Variants in AUTS2 observed in about 807,000 individuals in gnomAD.
AUTS2 encodes the protein autism susceptibility gene 2 protein.
A neutral mutation model predicts 112.4 loss-of-function variants in AUTS2; 17 were observed. The observed-to-expected ratio is 0.15, with a 90% CI of 0.10 to 0.23. AUTS2 has a LOEUF of 0.23. Ranked by LOEUF, AUTS2 falls within the 10% of genes least tolerant of loss-of-function variation. AUTS2 has a pLI of 1.00. For synonymous variants in AUTS2, 751 were observed against 702.7 expected (o/e 1.07, Z -1.09); for missense variants, 1,510 against 1,701.6 (o/e 0.89, Z 1.98).
intron 4 of AUTS2, among the ~76,000 whole-genome samples, chr7:70,160,563 T>C (rs1182051978): frequency 5.9e-5 from 9 of 152,218 alleles, no homozygotes; most frequent in Non-Finnish European, 1.0e-4. Context: ...TCAGAAAAGA[T>C]GGTCTTAACA....
intron 5 of AUTS2, among the ~76,000 whole-genome samples, chr7:70,615,461 C>T (rs151007077): frequency 0.012 from 1,872 of 152,132 alleles, 34 homozygotes; most frequent in African/African-American, 0.041. Flanking sequence ...TCTGGGGAAG[C>T]AATGTCTTTA....
chr7:69,798,222 G>C (rs1223206401), intron 1 of AUTS2, among the ~76,000 whole-genome samples: 2 of 152,142 alleles, frequency 1.3e-5, no homozygotes, highest in Non-Finnish European at 2.9e-5. Flanking sequence ...ATAAACTGTA[G>C]TGTGTTTGTG....
At chr7:70,737,732 A>T (rs1006122790) in intron 6 of AUTS2, among the ~76,000 whole-genome samples, 21 of 152,182 alleles carry the variant, frequency 1.4e-4, no homozygotes, top group African/African-American at 5.1e-4. Flanking sequence ...GGATATTGAA[A>T]TAACCTAAAA....
intron 4 of AUTS2, among the ~76,000 whole-genome samples, chr7:70,240,925 C>T (rs1051599215): frequency 3.9e-5 from 6 of 152,164 alleles, no homozygotes; most frequent in East Asian, 3.9e-4. Flanking sequence ...GTATCCACTT[C>T]GGGTTTTGAA....
At chr7:70,731,827 A>G (rs757705259) in intron 6 of AUTS2, among the ~76,000 whole-genome samples, 17 of 151,776 alleles carry the variant, frequency 1.1e-4, no homozygotes, top group Non-Finnish European at 1.8e-4. Flanking sequence ...GCACAAATAG[A>G]CAATTTTTTT....
At chr7:69,607,703 T>C (rs1336171591) in intron 1 of AUTS2, among the ~76,000 whole-genome samples, 4 of 152,178 alleles carry the variant, frequency 2.6e-5, no homozygotes, top group Non-Finnish European at 4.4e-5. Context: ...CACGGTGCCA[T>C]ACCCCCTTGT....
intron 2 of AUTS2, among the ~76,000 whole-genome samples, chr7:69,926,522 A>G (rs1796022074): frequency 6.6e-6 from 1 of 151,608 alleles, no homozygotes; most frequent in African/African-American, 2.4e-5. Flanking sequence ...TATATCTGTC[A>G]GTCATGTATC....
intron 4 of AUTS2, among the ~76,000 whole-genome samples, chr7:70,409,030 G>A (rs1794663881): frequency 6.6e-6 from 1 of 152,178 alleles, no homozygotes; most frequent in Admixed American, 6.5e-5. Context: ...ATTTCAACTG[G>A]CACGTCACAT....
At chr7:70,637,298 T>G (rs1805580922) in intron 5 of AUTS2, among the ~76,000 whole-genome samples, 1 of 152,204 alleles carries the variant, frequency 6.6e-6, no homozygotes, top group Admixed American at 6.5e-5. Flanking sequence ...GCCACTGAGT[T>G]TCTTTAAAAC....
At chr7:70,378,572 G>C (rs1793223125) in intron 4 of AUTS2, among the ~76,000 whole-genome samples, 1 of 152,212 alleles carries the variant, frequency 6.6e-6, no homozygotes, top group Admixed American at 6.5e-5. Flanking sequence ...TAAAGGCTTA[G>C]AGAGGTTGAG....
rs1802943456 is a variant in AUTS2, at chr7:70,074,669, T to C, written c.523-43463T>C. On this transcript the variant is annotated intron_variant, in intron 2 of 18. Coordinates refer to ENST00000342771, the MANE Select transcript of AUTS2 (RefSeq NM_015570.4). ...TCTAGCTACTAAGATTGAAGTCCTG[T>C]CATCTTCAGGTTTGGTTGAATCCAG... Among the ~76,000 whole-genome samples, 5 of 152,328 alleles carry C rather than the reference T, an allele frequency of 3.3e-5. No individual in the cohort carries two copies. The South Asian group carries it at 1.0e-3, about 32-fold the overall frequency.
At position 70,488,963 on chromosome 7, in the gene AUTS2, C is replaced by G. The variant is rs371142927; in HGVS notation, c.690+53182C>G. Among the ~76,000 whole-genome samples the G allele has an allele frequency of 1.8e-4, 27 of 152,284 alleles. 1 individual carries two copies. In the South Asian group the frequency reaches 5.6e-3, roughly 32 times the overall value. On this transcript the variant is annotated intron_variant, in intron 5 of 18. Transcript: ENST00000342771. ...AAGTTCCCATTTTCTTCACCAAGCA[C>G]TAGAAGAGGTTTCTAATTAGCTCCC...
At chr7:70,640,847 G>A (rs1182149006) in intron 5 of AUTS2, among the ~76,000 whole-genome samples, 5 of 152,180 alleles carry the variant, frequency 3.3e-5, no homozygotes, top group African/African-American at 4.8e-5. Flanking sequence ...TCAGCTTTCC[G>A]TTGCTAGAGC....
intron 4 of AUTS2, among the ~76,000 whole-genome samples, chr7:70,169,194 G>A (rs910749563): frequency 2.6e-5 from 4 of 151,930 alleles, no homozygotes; most frequent in African/African-American, 7.3e-5. Context: ...TTTCAAATGC[G>A]TTATTTTTGG....
chr7:69,666,998 A>G (rs1017552847), intron 1 of AUTS2, among the ~76,000 whole-genome samples: 2 of 152,160 alleles, frequency 1.3e-5, no homozygotes, highest in East Asian at 3.9e-4. Context: ...ATATATAAAG[A>G]AAAGGAATTT....
intron 5 of AUTS2, among the ~76,000 whole-genome samples, chr7:70,606,194 G>A (rs77087509): frequency 2.0e-5 from 3 of 152,286 alleles, no homozygotes; most frequent in East Asian, 1.9e-4. Context: ...AGATAATTAC[G>A]CTACCTCCAG....
At chr7:69,894,695 G>T (rs920108287) in intron 1 of AUTS2, among the ~76,000 whole-genome samples, 4 of 151,990 alleles carry the variant, frequency 2.6e-5, no homozygotes, top group Admixed American at 2.6e-4. Flanking sequence ...CCCATCTCAG[G>T]TGTTTCTGGT....
intron 2 of AUTS2, among the ~76,000 whole-genome samples, chr7:70,086,491 A>G (rs2129566334): frequency 6.6e-6 from 1 of 152,200 alleles, no homozygotes; most frequent in East Asian, 1.9e-4. Context: ...AAATACAAAA[A>G]TTAGCTGGCT....
At chr7:70,554,144 A>G (rs560919362) in intron 5 of AUTS2, among the ~76,000 whole-genome samples, 9 of 142,782 alleles carry the variant, frequency 6.3e-5, no homozygotes, top group East Asian at 4.2e-4. Context: ...TCTCCACTCA[A>G]TGCAACCTCC....
Sources: allele counts gnomAD v4.1 joint callset (sites outside exome capture counted in the v4.1 genomes callset), GRCh38; gene constraint gnomAD v4.1.1; transcripts MANE v1.5; gene names NCBI Gene and HGNC (gene_info 2026-07-23, HGNC 2026-07-21).